The following PCDHGA1 variants were observed in gnomAD, a reference collection of about 807,000 sequenced individuals.
PCDHGA1 encodes the protein protocadherin gamma-A1.
A neutral mutation model predicts 58.0 loss-of-function variants in PCDHGA1; 32 were observed. The observed-to-expected ratio is 0.55, with a 90% CI of 0.42 to 0.74. PCDHGA1 has a LOEUF of 0.74. Ranked by LOEUF, PCDHGA1 falls within the 30% of genes least tolerant of loss-of-function variation. The probability of loss-of-function intolerance (pLI) is 0.00; values close to 1 mark genes in which losing one functional copy is unlikely to be tolerated. For synonymous variants in PCDHGA1, 498 were observed against 501.1 expected (o/e 0.99, Z 0.08); for missense variants, 1,205 against 1,182.3 (o/e 1.02, Z -0.28).
At chr5:141,427,529 G>A (rs1464520351) in intron 1 of PCDHGA1, 1 of 619,898 alleles carries the variant, frequency 1.6e-6, no homozygotes, top group African/African-American at 1.8e-5. Context: ...GGATCCCGGA[G>A]TACAACGTCA....
At position 141,476,001 on chromosome 5, in the gene PCDHGA1, C is replaced by G; in HGVS notation, c.2422-18806C>G. The G allele has an allele frequency of 8.1e-7, 1 of 1,235,348 alleles. No homozygotes were observed. Among genetic ancestry groups the G allele is most frequent in the Non-Finnish European group, 1.1e-6 (1 of 894,008 alleles). 76.5% of individuals were successfully genotyped at this position (1,235,348 alleles called of 1,614,324 possible). On this transcript the variant is annotated intron_variant, in intron 1 of 3. Transcript: ENST00000517417. The surrounding 1 kb of genome is among the most constrained non-coding windows in gnomAD (Gnocchi z 7.6). ...CAGCCGGCGAGCAAATCAACGGCATCCAGAAAGCCATGTCGGACTCGGCGC... is the reference window on the plus strand; with the variant it reads ...CAGCCGGCGAGCAAATCAACGGCATGCAGAAAGCCATGTCGGACTCGGCGC...
chr5:141,505,259 C>A, intron 2 of PCDHGA1, 134 bp from the exon 3 acceptor site: 1 of 1,500,262 alleles, frequency 6.7e-7, no homozygotes, highest in Non-Finnish European at 8.9e-7. Context: ...GTGCCTCCTA[C>A]CTTGCTGAGA....
rs928558526 is a variant in PCDHGA1, at chr5:141,334,068, T to A, written c.2421+963T>A. ...GTCGGGGAGTAAGTCCATGCTTTGATGTATTTACTCTGCTCCAATAAAATA... is the reference window on the plus strand; with the variant it reads ...GTCGGGGAGTAAGTCCATGCTTTGAAGTATTTACTCTGCTCCAATAAAATA... On this transcript the variant is annotated intron_variant, in intron 1 of 3. Transcript: ENST00000517417. This position sits in a 1 kb window ranked among gnomAD's most constrained non-coding sequence, Gnocchi z 4.6. 1 of 152,232 alleles carries A rather than the reference T, an allele frequency of 6.6e-6. No individual in the cohort carries two copies. Among genetic ancestry groups the A allele is most frequent in the Non-Finnish European group, 1.5e-5 (1 of 68,056 alleles). The allele number at this position is 152,232 out of a possible 1,614,324, so 9.4% of individuals were successfully genotyped here. A position where few individuals can be genotyped will look rare whatever the true frequency, so the allele number is the denominator to read the frequency against.
intron 1 of PCDHGA1, among the ~76,000 whole-genome samples, chr5:141,372,993 T>G (rs977934205): frequency 1.3e-5 from 2 of 152,356 alleles, no homozygotes; most frequent in African/African-American, 4.8e-5. Context: ...TTGCAGTTGT[T>G]CTTTCATAGA....
chr5:141,379,118 C>G (rs180933858), intron 1 of PCDHGA1: 2 of 152,296 alleles, frequency 1.3e-5, no homozygotes, highest in Admixed American at 1.3e-4. Flanking sequence ...GAGAAGATAC[C>G]TTGAAAATAA....
intron 1 of PCDHGA1, chr5:141,375,342 T>C: frequency 6.2e-7 from 1 of 1,613,798 alleles, no homozygotes; most frequent in Non-Finnish European, 8.5e-7. Flanking sequence ...TTGTACAACA[T>C]CACTGTGACA....
intron 1 of PCDHGA1, chr5:141,408,609 A>G (rs765291231): frequency 1.2e-5 from 19 of 1,613,970 alleles, no homozygotes; most frequent in Non-Finnish European, 3.4e-6. Flanking sequence ...TTTGATAAAA[A>G]GGAAATACAT....
Position 141,489,169 on chromosome 5 carries a change from C to T in PCDHGA1, c.2422-5638C>T. On this transcript the variant is annotated intron_variant, in intron 1 of 3. Coordinates refer to ENST00000517417, the MANE Select transcript of PCDHGA1 (RefSeq NM_018912.3). This position sits in a 1 kb window ranked among gnomAD's most constrained non-coding sequence, Gnocchi z 4.5. ...GAGACATAAGAGACTTCAGCTGCTG[C>T]ATTCCAAGCCCTGGGTCTACCTTGG... 3 of 1,124,648 alleles carry T rather than the reference C, an allele frequency of 2.7e-6. No individual in the cohort carries two copies. The highest frequency in any genetic ancestry group is 3.8e-6 in the Non-Finnish European group (3 of 783,910). The allele number at this position is 1,124,648 out of a possible 1,614,324, so 69.7% of individuals were successfully genotyped here. A position where few individuals can be genotyped will look rare whatever the true frequency, so the allele number is the denominator to read the frequency against.
chr5:141,426,887 G>A (rs1309180455), intron 1 of PCDHGA1: 1 of 456,646 alleles, frequency 2.2e-6, no homozygotes, highest in Non-Finnish European at 4.4e-6. Context: ...TGGGCCAGGA[G>A]CAACAGAGCT....
rs373882091 is a variant in PCDHGA1 at position 141,432,369 on chromosome 5, A to T, written c.2422-62438A>T. 1.2e-6 allele frequency: 2 copies of T among 1,614,104 alleles called. No homozygotes were observed. Among genetic ancestry groups the T allele is most frequent in the African/African-American group, 2.7e-5 (2 of 74,938 alleles). On this transcript the variant is annotated intron_variant, in intron 1 of 3. Transcript: ENST00000517417. The surrounding 1 kb of genome is among the most constrained non-coding windows in gnomAD (Gnocchi z 6.0). Reference sequence around the variant, plus strand: ...CAAGTGAAAGTGATGGCGCGGGACAACGGGCACCCGCCCCTCAGCAGCAAC... The same window carrying T: ...CAAGTGAAAGTGATGGCGCGGGACATCGGGCACCCGCCCCTCAGCAGCAAC...
At chr5:141,335,905 G>A (rs997907373) in intron 1 of PCDHGA1, among the ~76,000 whole-genome samples, 5 of 152,090 alleles carry the variant, frequency 3.3e-5, no homozygotes, top group African/African-American at 1.2e-4. Flanking sequence ...CAGAAAAAAA[G>A]GACTTAAATA....
chr5:141,374,107 G>A, intron 1 of PCDHGA1: 3 of 1,573,706 alleles, frequency 1.9e-6, no homozygotes, highest in Non-Finnish European at 8.6e-7. Flanking sequence ...AGAGGCATCC[G>A]CAGCGCAGCG....
intron 1 of PCDHGA1, chr5:141,492,005 C>A (rs1444993907): frequency 3.1e-6 from 2 of 642,268 alleles, no homozygotes; most frequent in African/African-American, 3.8e-5. Flanking sequence ...GGGCGATTTC[C>A]GCGGGTGTCG....
rs1258752203 is a variant in PCDHGA1, at chr5:141,431,160, G to C, written c.2422-63647G>C. On this transcript the variant is annotated intron_variant, in intron 1 of 3. Coordinates refer to ENST00000517417, the MANE Select transcript of PCDHGA1 (RefSeq NM_018912.3). The surrounding 1 kb of genome is among the most constrained non-coding windows in gnomAD (Gnocchi z 4.8). ...ATTAACGACAATGCGCCTTACTTTC[G>C]TGAAAGTGAATTAGAAATAAAAATT... is the stretch of plus-strand genomic sequence containing the variant. The C allele has an allele frequency of 6.2e-7, 1 of 1,614,198 alleles. No homozygotes were observed. Among genetic ancestry groups the C allele is most frequent in the South Asian group, 1.1e-5 (1 of 91,084 alleles).
chr5:141,451,993 C>G (rs1235806360), intron 1 of PCDHGA1, among the ~76,000 whole-genome samples: 4 of 152,164 alleles, frequency 2.6e-5, no homozygotes, highest in African/African-American at 7.2e-5. Context: ...TCATTAGAAG[C>G]AAAATCACTT....
At chr5:141,449,148 T>C (rs570694341) in intron 1 of PCDHGA1, among the ~76,000 whole-genome samples, 20 of 152,268 alleles carry the variant, frequency 1.3e-4, no homozygotes, top group African/African-American at 4.8e-4. Flanking sequence ...AATTGCTGGG[T>C]CAAAGAGGAA....
intron 1 of PCDHGA1, among the ~76,000 whole-genome samples, chr5:141,454,596 G>C (rs1184158084): frequency 1.3e-5 from 2 of 151,324 alleles, no homozygotes; most frequent in Non-Finnish European, 2.9e-5. Flanking sequence ...AGTAGAGACA[G>C]GGTTTCTCCA....
intron 1 of PCDHGA1, chr5:141,339,890 C>G: frequency 1.9e-6 from 3 of 1,614,042 alleles, no homozygotes; most frequent in Non-Finnish European, 2.5e-6. Context: ...CATAAAAGAT[C>G]TAGATTATGA....
chr5:141,360,101 C>A lies in PCDHGA1; in HGVS notation c.2421+26996C>A. On this transcript the variant is annotated intron_variant, in intron 1 of 3. Coordinates refer to ENST00000517417, the MANE Select transcript of PCDHGA1 (RefSeq NM_018912.3). ...TTCTGCCATCCCCGGAAGGCTTATT[C>A]CTCCTATGGGCAAAGGAGCAAAGGG... 4.6e-6 allele frequency: 7 copies of A among 1,533,060 alleles called. No homozygotes were observed. The Middle Eastern group carries it at 5.4e-4, about 118-fold the overall frequency. The allele number at this position is 1,533,060 out of a possible 1,614,324, so 95.0% of individuals were successfully genotyped here.
Sources: allele counts gnomAD v4.1 joint callset (sites outside exome capture counted in the v4.1 genomes callset), GRCh38; gene constraint gnomAD v4.1.1; non-coding constraint Gnocchi (gnomAD v3.1); transcripts MANE v1.5; gene names NCBI Gene and HGNC (gene_info 2026-07-23, HGNC 2026-07-21).